The following UTRN variants were observed in gnomAD, a reference collection of about 807,000 sequenced individuals.
UTRN encodes utrophin.
A neutral mutation model predicts 463.9 loss-of-function variants in UTRN; 283 were observed. The ratio of observed to expected loss-of-function variants is 0.61; its 90% confidence interval spans 0.55 to 0.67. The LOEUF (loss-of-function observed/expected upper bound fraction) is 0.67, where lower values mean the gene tolerates loss of function less well. Among genes scored for constraint, UTRN ranks in the 30% least tolerant of loss-of-function variants. The pLI, the probability that UTRN is intolerant of heterozygous loss-of-function variation, is 0.00. For synonymous variants in UTRN, 1,442 were observed against 1,431.5 expected, an observed-to-expected ratio of 1.01 and a Z score of -0.17; for missense variants, 3,922 against 4,084.3, an observed-to-expected ratio of 0.96 and a Z score of 1.08.
intron 2 of UTRN, among the ~76,000 whole-genome samples, chr6:144,310,920 C>T (rs928591550): frequency 6.6e-6 from 1 of 152,204 alleles, no homozygotes; most frequent in African/African-American, 2.4e-5. Flanking sequence ...CACGACAGAT[C>T]GATCACTTGA....
intron 41 of UTRN, among the ~76,000 whole-genome samples, chr6:144,529,149 A>G (rs1004396626): frequency 1.3e-5 from 2 of 152,196 alleles, no homozygotes; most frequent in African/African-American, 4.8e-5. Flanking sequence ...TCTTAGTCCT[A>G]TCAGGAACCC....
intron 34 of UTRN, among the ~76,000 whole-genome samples, chr6:144,501,934 C>T (rs1794221441): frequency 6.6e-6 from 1 of 152,034 alleles, no homozygotes; most frequent in Non-Finnish European, 1.5e-5. Context: ...TCTTCTATAG[C>T]GCTGTTAAAA....
At chr6:144,360,077 CT>C (rs1562292304) in intron 2 of UTRN, among the ~76,000 whole-genome samples, 3 of 105,962 alleles carry the variant, frequency 2.8e-5, no homozygotes, top group African/African-American at 1.6e-4. Context: ...CTTCCCTTCC[CT>C]TCCCTTCCCT....
At chr6:144,307,617 A>T (rs182289362) in intron 2 of UTRN, among the ~76,000 whole-genome samples, 6 of 152,152 alleles carry the variant, frequency 3.9e-5, no homozygotes, top group Non-Finnish European at 8.8e-5. Context: ...CTTTACTTCT[A>T]CTGCCTTAAA....
intron 42 of UTRN, among the ~76,000 whole-genome samples, chr6:144,532,504 A>T (rs758253271): frequency 6.6e-6 from 1 of 152,162 alleles, no homozygotes; most frequent in Non-Finnish European, 1.5e-5. Flanking sequence ...GAACAACACG[A>T]GGGTAACCAC....
At chr6:144,509,649 CATGCAGATTTCACCACATTTT>C in intron 34 of UTRN, among the ~76,000 whole-genome samples, 1 of 152,224 alleles carries the variant, frequency 6.6e-6, no homozygotes, top group Admixed American at 6.5e-5. Context: ...ATTTAAGGAA[CATGCAGATTTCACCACATTTT>C]AATGTATTTG....
intron 53 of UTRN, among the ~76,000 whole-genome samples, chr6:144,722,202 A>C (rs1787261235): frequency 6.6e-6 from 1 of 152,188 alleles, no homozygotes; most frequent in African/African-American, 2.4e-5. Context: ...CAGCTCTGAG[A>C]GCACCAATCT....
intron 2 of UTRN, among the ~76,000 whole-genome samples, chr6:144,322,780 A>G (rs1775742290): frequency 6.6e-6 from 1 of 152,092 alleles, no homozygotes; most frequent in East Asian, 1.9e-4. Context: ...CGTCTCTACT[A>G]AAAATATAAA....
chr6:144,830,704 A>ATTGGTTT (rs1780592531), intron 69 of UTRN, among the ~76,000 whole-genome samples: 1 of 148,320 alleles, frequency 6.7e-6, no homozygotes, highest in Non-Finnish European at 1.5e-5. Flanking sequence ...TTTGTCTGTG[A>ATTGGTTT]TTTGTTTTTT....
At chr6:144,850,929 T>C in intron 74 of UTRN, 60 bp from the exon 75 acceptor site, 6 of 1,605,042 alleles carry the variant, frequency 3.7e-6, no homozygotes, top group Non-Finnish European at 5.1e-6. Context: ...AATTGACAGA[T>C]CTCTGCTTCC....
At chr6:144,628,655 TC>T (rs1289670646) in intron 51 of UTRN, among the ~76,000 whole-genome samples, 1 of 152,236 alleles carries the variant, frequency 6.6e-6, no homozygotes, top group Non-Finnish European at 1.5e-5. Flanking sequence ...CTAACTCATA[TC>T]CTAAATAGAA....
At position 144,396,640 on chromosome 6, in the gene UTRN, T is replaced by C. The variant is rs545869472; in HGVS notation, c.80-6483T>C. ...GGTGAATTTAAATGGGTAAATTGTA[T>C]GGTAGGTGAGTTCTATGGTAGGTGT... is the stretch of plus-strand genomic sequence containing the variant. On this transcript the variant is annotated intron_variant, in intron 2 of 74. Transcript: ENST00000367545. Among the ~76,000 whole-genome samples, 4 of 152,318 alleles carry C rather than the reference T, an allele frequency of 2.6e-5. No homozygotes were observed. In the East Asian group the frequency reaches 7.7e-4, roughly 29 times the overall value.
rs1345771844 is a variant in UTRN at position 144,610,493 on chromosome 6, A to T, written c.7479+33205A>T. Among the ~76,000 whole-genome samples, 3 of 152,328 alleles carry T rather than the reference A, an allele frequency of 2.0e-5. No individual in the cohort carries two copies. The East Asian group carries it at 5.8e-4, about 29-fold the overall frequency. ...CTCTACTGAAATCTACCAAATATTAATGAAGAACTAATACCAATTCTAAGC... is the reference window on the plus strand; with the variant it reads ...CTCTACTGAAATCTACCAAATATTATTGAAGAACTAATACCAATTCTAAGC... On this transcript the variant is annotated intron_variant, in intron 51 of 74. Coordinates refer to ENST00000367545, the MANE Select transcript of UTRN (RefSeq NM_007124.3).
At chr6:144,729,695 C>T (rs1048123321) in intron 53 of UTRN, among the ~76,000 whole-genome samples, 1 of 152,100 alleles carries the variant, frequency 6.6e-6, no homozygotes, top group African/African-American at 2.4e-5. Context: ...AGCTCCACTT[C>T]AAGGAACAAA....
intron 65 of UTRN, among the ~76,000 whole-genome samples, chr6:144,817,704 A>ATC (rs1321064521): frequency 1.3e-5 from 2 of 152,184 alleles, no homozygotes; most frequent in African/African-American, 4.8e-5. Flanking sequence ...ACATTCTGAT[A>ATC]ACCTGAATAT....
rs774840717 is a variant in UTRN at position 144,850,980 on chromosome 6, T to A, written c.10294-9T>A. The A allele has an allele frequency of 2.5e-5, 41 of 1,613,544 alleles. No individual in the cohort carries two copies. The highest frequency in any genetic ancestry group is 3.4e-5 in the Non-Finnish European group (40 of 1,179,620). On this transcript the variant is annotated splice_polypyrimidine_tract_variant and intron_variant, in intron 74 of 74. Transcript: ENST00000367545. ...AAATTTCTGACAGTGCTATTTTCCCTTCCCATAGGCAATGTGAAGTATTCA... is the reference window on the plus strand; with the variant it reads ...AAATTTCTGACAGTGCTATTTTCCCATCCCATAGGCAATGTGAAGTATTCA...
rs1311269608 is a variant in UTRN at position 144,365,984 on chromosome 6, C to T, written c.80-37139C>T. Among the ~76,000 whole-genome samples the T allele has an allele frequency of 3.3e-5, 5 of 152,188 alleles. 1 individual carries two copies. The highest frequency in any genetic ancestry group is 3.3e-4 in the Admixed American group (5 of 15,282). Reference sequence around the variant, plus strand: ...AACTCCTGACCTCAGGTGTTCCACCCGTCTCGGCCTCCCAAAGTGCTGGGA... The same window carrying T: ...AACTCCTGACCTCAGGTGTTCCACCTGTCTCGGCCTCCCAAAGTGCTGGGA... On this transcript the variant is annotated intron_variant, in intron 2 of 74. Transcript: ENST00000367545.
At chr6:144,506,238 T>C (rs1421529672) in intron 34 of UTRN, among the ~76,000 whole-genome samples, 1 of 152,188 alleles carries the variant, frequency 6.6e-6, no homozygotes, top group African/African-American at 2.4e-5. Flanking sequence ...TGTCTTTTAA[T>C]TGGAGCATTT....
rs367656305 is a variant in UTRN, at chr6:144,501,314, G to A, written c.4764+1887G>A. Reference sequence around the variant, plus strand: ...TTTTCAAGGACATATTATCATCCTCGTGCAGTATACTTTGAAAATCATTAC... The same window carrying A: ...TTTTCAAGGACATATTATCATCCTCATGCAGTATACTTTGAAAATCATTAC... On this transcript the variant is annotated intron_variant, in intron 34 of 74. Transcript: ENST00000367545. Among the ~76,000 whole-genome samples the A allele has an allele frequency of 2.2e-4, 33 of 152,192 alleles. No individual in the cohort carries two copies. The South Asian group carries it at 6.0e-3, about 28-fold the overall frequency.
Sources: gnomAD v4.1 joint callset for allele counts (sites outside exome capture counted in the v4.1 genomes callset) on GRCh38, gnomAD v4.1.1 for gene constraint, MANE v1.5 for transcripts, NCBI Gene and HGNC (gene_info 2026-07-23, HGNC 2026-07-21) for gene names.